MACF1: variants seen among roughly 807,000 people sequenced by gnomAD.
The protein encoded by MACF1 is microtubule actin crosslinking factor 1, also known as microtubule-actin cross-linking factor 1.
Under a neutral mutation model 854.8 loss-of-function variants are expected in MACF1, and 193 were observed. The ratio of observed to expected loss-of-function variants is 0.23; its 90% CI spans 0.20 to 0.25. The LOEUF is 0.25. MACF1 is among the 10% of genes least tolerant of loss of function. MACF1 has a pLI of 1.00. For missense variants in MACF1, 7,722 were observed against 8,929.1 expected (o/e 0.86, Z 5.45); for synonymous variants, 3,185 against 3,226.7 (o/e 0.99, Z 0.44).
intron 3 of MACF1, among the ~76,000 whole-genome samples, chr1:39,251,617 A>G (rs1645041323): frequency 6.6e-6 from 1 of 152,230 alleles, no homozygotes. Flanking sequence ...TTAGAAAAGC[A>G]GAGAGGGTAG....
At chr1:39,196,493 A>T (rs1449692712) in intron 2 of MACF1, among the ~76,000 whole-genome samples, 2 of 152,206 alleles carry the variant, frequency 1.3e-5, no homozygotes, top group Non-Finnish European at 2.9e-5. Flanking sequence ...GACAGATGAC[A>T]AGAGTTTCAG....
intron 2 of MACF1, among the ~76,000 whole-genome samples, chr1:39,192,066 G>T (rs889957399): frequency 2.6e-5 from 4 of 152,066 alleles, no homozygotes; most frequent in Admixed American, 6.6e-5. Flanking sequence ...CACAAGAATT[G>T]CTTGAACCTG....
intron 2 of MACF1, among the ~76,000 whole-genome samples, chr1:39,099,075 G>A (rs1282249692): frequency 2.0e-5 from 3 of 152,198 alleles, no homozygotes; most frequent in Non-Finnish European, 4.4e-5. Flanking sequence ...GAATATAAAA[G>A]TTACAGCAGA....
chr1:39,317,618 G>A (rs1298563964), intron 29 of MACF1, among the ~76,000 whole-genome samples: 1 of 152,138 alleles, frequency 6.6e-6, no homozygotes, highest in African/African-American at 2.4e-5. Context: ...TGTGTCCCAG[G>A]TCTTTTCTAG....
chr1:39,262,911 G>A (rs1645181205), intron 6 of MACF1, among the ~76,000 whole-genome samples: 1 of 152,142 alleles, frequency 6.6e-6, no homozygotes, highest in African/African-American at 2.4e-5. Flanking sequence ...CTGGTGTGTG[G>A]GGAAAGGTTC....
At position 39,393,361 on chromosome 1, in the gene MACF1, C is replaced by T. The variant is rs1347168277; in HGVS notation, c.15816+4703C>T. 2.0e-5 allele frequency among the ~76,000 whole-genome samples: 3 copies of T among 151,912 alleles called. No homozygotes were observed. The South Asian group carries it at 6.2e-4, about 32-fold the overall frequency. ...GCTCCCCGCAAGAACCATGTGACTT[C>T]TCACTCAGAAAGTATTTGATGGTTT... On this transcript the variant is annotated intron_variant, in intron 58 of 100. Coordinates refer to ENST00000564288, the MANE Select transcript of MACF1 (RefSeq NM_001394062.1).
rs868691205 is a variant in MACF1 at position 39,353,141 on chromosome 1, C to T, written c.11334C>T (p.Ser3778=). 4 of 1,614,118 alleles carry T rather than the reference C, an allele frequency of 2.5e-6. No homozygotes were observed. The South Asian group carries it at 4.4e-5, about 18-fold the overall frequency. ...GAATGGAGCAGCTCTCGGGAGCTAG[C>T]TTGGAGAAAGGAGCCTTGGACACCA... ...LPGMEQLSGA[S]LEKGALDTTD... Residue 3778 remains serine, a synonymous_variant, in exon 44 of 101, where the codon AGC becomes AGT. Coordinates refer to ENST00000564288, the MANE Select transcript of MACF1 (RefSeq NM_001394062.1).
chr1:39,211,075 T>C (rs112325414), intron 1 of MACF1, among the ~76,000 whole-genome samples: 4 of 152,168 alleles, frequency 2.6e-5, no homozygotes, highest in African/African-American at 9.6e-5. Flanking sequence ...CAAGTGATTC[T>C]CCTGCCTCAG....
intron 2 of MACF1, among the ~76,000 whole-genome samples, chr1:39,141,696 T>G (rs1203785655): frequency 2.0e-5 from 3 of 152,204 alleles, no homozygotes; most frequent in African/African-American, 7.2e-5. Context: ...AGAGTCTAGT[T>G]ATTAGACTTA....
At position 39,398,105 on chromosome 1, in the gene MACF1, A is replaced by G. The variant is rs189484938; in HGVS notation, c.15816+9447A>G. 6.9e-3 allele frequency among the ~76,000 whole-genome samples: 1,044 copies of G among 150,366 alleles called. 8 individuals carry two copies. Among genetic ancestry groups the G allele is most frequent in the Non-Finnish European group, 9.7e-3 (655 of 67,706 alleles). On this transcript the variant is annotated intron_variant, in intron 58 of 100. Transcript: ENST00000564288. ...CTACACCAGTGGTTGTCAACCAAGCATAGCTTTGCAGAGACTCCCACTCCC... is the reference window on the plus strand; with the variant it reads ...CTACACCAGTGGTTGTCAACCAAGCGTAGCTTTGCAGAGACTCCCACTCCC...
intron 58 of MACF1, chr1:39,413,879 C>G: frequency 6.2e-7 from 1 of 1,610,194 alleles, no homozygotes. Flanking sequence ...GTGCCCACCC[C>G]TGCAGCTATG....
chr1:39,172,945 T>C (rs1643971736), intron 2 of MACF1, among the ~76,000 whole-genome samples: 2 of 152,238 alleles, frequency 1.3e-5, no homozygotes, highest in Admixed American at 1.3e-4. Context: ...TGCTGACCCA[T>C]TTAACAGAAT....
intron 40 of MACF1, among the ~76,000 whole-genome samples, chr1:39,342,338 T>G (rs1024526290): frequency 1.3e-5 from 2 of 152,134 alleles, no homozygotes; most frequent in African/African-American, 4.8e-5. Context: ...TTTGCTATTG[T>G]GAATAGTGCT....
intron 2 of MACF1, among the ~76,000 whole-genome samples, chr1:39,111,431 G>A (rs12737806): frequency 0.13 from 20,262 of 151,802 alleles, 1,720 homozygotes; most frequent in Non-Finnish European, 0.19. Context: ...CACCCAGGCT[G>A]GAGTGCAGTG....
rs1216638188 is a variant in MACF1 at position 39,332,648 on chromosome 1, A to G, written c.6060A>G (p.Gln2020=). 1 of 1,614,092 alleles carries G rather than the reference A, an allele frequency of 6.2e-7. No individual in the cohort carries two copies. Among genetic ancestry groups the G allele is most frequent in the African/African-American group, 1.3e-5 (1 of 74,938 alleles). The change falls in exon 37 of 101, where the codon CAA becomes CAG. Residue 2020 remains glutamine (Q), a synonymous_variant. Coordinates refer to ENST00000564288, the MANE Select transcript of MACF1 (RefSeq NM_001394062.1). ...HQRQKTPEGL[Q]ESANVKISGT... is the part of the protein sequence containing the mutation. ...GGCAAAAAACTCCTGAGGGATTGCA[A>G]GAATCAGCTAATGTGAAAATCTCAG... is the stretch of plus-strand genomic sequence containing the variant.
At chr1:39,364,129 G>A (rs1379853556) in intron 49 of MACF1, among the ~76,000 whole-genome samples, 1 of 152,154 alleles carries the variant, frequency 6.6e-6, no homozygotes, top group African/African-American at 2.4e-5. Context: ...TGCATTCCCA[G>A]CAGCAGTGTA....
intron 40 of MACF1, 133 bp downstream of exon 40, chr1:39,341,086 T>C (rs948415919): frequency 1.3e-6 from 1 of 774,140 alleles, no homozygotes; most frequent in African/African-American, 1.8e-5. Context: ...CAAGCTGGAG[T>C]GCAGTGGCAC....
intron 2 of MACF1, among the ~76,000 whole-genome samples, chr1:39,123,232 G>T (rs1439603544): frequency 7.9e-6 from 1 of 126,790 alleles, no homozygotes; most frequent in African/African-American, 2.9e-5. Context: ...TTTTTTGAGA[G>T]AGTCTCGCTC....
In MACF1 at chr1:39,282,221, A is replaced by G; in HGVS notation, c.542A>G (p.Tyr181Cys). ...IILHFQISDIYISGESGDMSA... is the reference protein window; with the variant it reads ...IILHFQISDICISGESGDMSA... ...ATCTTTTGGCAGATCTCTGACATCT[A>G]CATTAGTGGAGAATCAGGGGATATG... The change falls in exon 7 of 101, where the codon TAC (tyrosine) becomes TGC (cysteine). Residue 181 changes from tyrosine (Y) to cysteine (C), a missense_variant. Tyr to Cys is a radical substitution (Grantham distance 194, BLOSUM62 -2). Transcript: ENST00000564288. 1.2e-6 allele frequency: 2 copies of G among 1,613,884 alleles called. No individual in the cohort carries two copies. Among genetic ancestry groups the G allele is most frequent in the African/African-American group, 1.3e-5 (1 of 75,040 alleles).
Sources: gnomAD v4.1 joint callset for allele counts (sites outside exome capture counted in the v4.1 genomes callset) on GRCh38, gnomAD v4.1.1 for gene constraint, MANE v1.5 for transcripts, NCBI Gene and HGNC (gene_info 2026-07-23, HGNC 2026-07-21) for gene names.